PDE8B: variants seen among roughly 807,000 people sequenced by gnomAD.
The protein encoded by PDE8B is phosphodiesterase 8B, also known as high affinity cAMP-specific and IBMX-insensitive 3',5'-cyclic phosphodiesterase 8B.
Under a neutral mutation model 101.3 loss-of-function variants are expected in PDE8B, and 26 were observed. The ratio of observed to expected loss-of-function variants is 0.26; its 90% CI spans 0.19 to 0.36. PDE8B has a LOEUF of 0.36. Ranked by LOEUF, PDE8B falls within the 10% of genes least tolerant of loss-of-function variation. The pLI, the probability that PDE8B is intolerant of heterozygous loss-of-function variation, is 1.00. For missense variants in PDE8B, 810 were observed against 1,163.1 expected (o/e 0.70, Z 4.42); for synonymous variants, 424 against 429.3 (o/e 0.99, Z 0.15).
chr5:77,173,409 G>A, the PDE8B span, among the ~76,000 whole-genome samples: 1 of 152,124 alleles, frequency 6.6e-6, no homozygotes, highest in Non-Finnish European at 1.5e-5. Context: ...TTAAGAAGGT[G>A]GTTGTTGGCT....
intron 10 of PDE8B, among the ~76,000 whole-genome samples, chr5:77,356,351 C>G (rs967782654): frequency 2.0e-5 from 3 of 152,138 alleles, no homozygotes; most frequent in Non-Finnish European, 4.4e-5. Context: ...GGATCTGCAA[C>G]CATGGTCCAA....
chr5:77,139,826 G>GT, the PDE8B span: 1 of 152,076 alleles, frequency 6.6e-6, no homozygotes, highest in Non-Finnish European at 1.5e-5. Context: ...ATGTTTTTCT[G>GT]TTTTTTAATT....
the PDE8B span, among the ~76,000 whole-genome samples, chr5:77,191,839 C>T: frequency 6.6e-6 from 1 of 152,144 alleles, no homozygotes; most frequent in South Asian, 2.1e-4. Context: ...AATTATACAA[C>T]TCACCATAAT....
chr5:77,344,273 A>G (rs1779759554), intron 6 of PDE8B, among the ~76,000 whole-genome samples: 1 of 152,246 alleles, frequency 6.6e-6, no homozygotes, highest in Non-Finnish European at 1.5e-5. Context: ...GCTTGTTTAC[A>G]CCAACATCAT....
chr5:77,114,338 A>T, the PDE8B span: 1 of 152,242 alleles, frequency 6.6e-6, no homozygotes, highest in Non-Finnish European at 1.5e-5. Context: ...GCCATAAAAA[A>T]GGATGAGTTC....
the PDE8B span, among the ~76,000 whole-genome samples, chr5:77,100,573 G>A: frequency 1.3e-5 from 2 of 152,202 alleles, no homozygotes; most frequent in South Asian, 2.1e-4. Flanking sequence ...CAGATCCGGT[G>A]GGAGGGGATA....
At chr5:77,276,339 T>G (rs894580389) in intron 1 of PDE8B, among the ~76,000 whole-genome samples, 4 of 152,198 alleles carry the variant, frequency 2.6e-5, no homozygotes, top group African/African-American at 9.6e-5. Flanking sequence ...TTGGCTCAGC[T>G]CAAAGGCCTC....
intron 10 of PDE8B, among the ~76,000 whole-genome samples, chr5:77,361,718 G>A (rs921870286): frequency 1.3e-5 from 2 of 152,076 alleles, no homozygotes; most frequent in Admixed American, 1.3e-4. Context: ...GTTTCACTAT[G>A]TTGGCCAGGA....
chr5:77,396,536 A>G (rs1303521051), intron 10 of PDE8B, among the ~76,000 whole-genome samples: 1 of 152,222 alleles, frequency 6.6e-6, no homozygotes, highest in Non-Finnish European at 1.5e-5. Flanking sequence ...TTAGTAACTG[A>G]GCACAGCACA....
chr5:77,174,065 G>A, the PDE8B span, among the ~76,000 whole-genome samples: 4 of 152,144 alleles, frequency 2.6e-5, no homozygotes, highest in Non-Finnish European at 5.9e-5. Flanking sequence ...GCCCTTGAAG[G>A]TCAGTAGTCT....
chr5:77,338,050 G>A (rs377014209), intron 6 of PDE8B, among the ~76,000 whole-genome samples: 1 of 152,198 alleles, frequency 6.6e-6, no homozygotes, highest in Non-Finnish European at 1.5e-5. Context: ...AAAGGAGGAG[G>A]CTCTTCTCCA....
chr5:77,232,759 G>A (rs1753829338), intron 1 of PDE8B, among the ~76,000 whole-genome samples: 1 of 152,188 alleles, frequency 6.6e-6, no homozygotes, highest in Admixed American at 6.5e-5. Flanking sequence ...GAAGTGCTCT[G>A]TGGTGATGCA....
chr5:77,190,414 A>C, the PDE8B span, among the ~76,000 whole-genome samples: 5 of 152,222 alleles, frequency 3.3e-5, no homozygotes, highest in Non-Finnish European at 7.3e-5. Context: ...ACTCTTAATA[A>C]ATGAATCATA....
At position 77,248,180 on chromosome 5, in the gene PDE8B, T is replaced by C. The variant is rs192570121; in HGVS notation, c.339+36916T>C. On this transcript the variant is annotated intron_variant, in intron 1 of 21. Coordinates refer to ENST00000264917, the MANE Select transcript of PDE8B (RefSeq NM_003719.5). ...GGCAGAAATGACAACTGAGGGCTAATGAGCATTAACTGGACTGCAAGCTCG... is the reference window on the plus strand; with the variant it reads ...GGCAGAAATGACAACTGAGGGCTAACGAGCATTAACTGGACTGCAAGCTCG... Among the ~76,000 whole-genome samples the C allele has an allele frequency of 4.7e-3, 713 of 152,330 alleles. 1 individual carries two copies. The highest frequency in any genetic ancestry group is 0.016 in the African/African-American group (679 of 41,564).
rs1372237580 is a variant in PDE8B, at chr5:77,412,201, A to G, written c.1678A>G (p.Asn560Asp). The G allele has an allele frequency of 6.2e-7, 1 of 1,614,144 alleles. No homozygotes were observed. Among genetic ancestry groups the G allele is most frequent in the Admixed American group, 1.7e-5 (1 of 60,036 alleles). ...LLDNEESWDF[N>D]IFELEAITHK... Reference sequence around the variant, plus strand: ...TGATAATGAGGAGAGTTGGGACTTCAACATCTTTGAATTGGAAGCCATTAC... The same window carrying G: ...TGATAATGAGGAGAGTTGGGACTTCGACATCTTTGAATTGGAAGCCATTAC... The change falls in exon 16 of 22, where the codon AAC (asparagine) becomes GAC (aspartate). Residue 560 changes from asparagine to aspartate, a missense_variant. By Grantham distance (23) the Asn-to-Asp change is conservative. Around this residue, in one of 4 missense-constraint regions of PDE8B, gnomAD observed 325 missense variants for 560.9 expected, o/e 0.58. Transcript: ENST00000264917.
the PDE8B span, among the ~76,000 whole-genome samples, chr5:77,194,569 C>A: frequency 6.6e-6 from 1 of 152,068 alleles, no homozygotes; most frequent in Non-Finnish European, 1.5e-5. Flanking sequence ...AAAAAGAAAC[C>A]CCATGACCAT....
At chr5:77,251,724 A>G (rs1368125777) in intron 1 of PDE8B, among the ~76,000 whole-genome samples, 2 of 152,150 alleles carry the variant, frequency 1.3e-5, no homozygotes, top group African/African-American at 2.4e-5. Flanking sequence ...TCTGTGTCGT[A>G]TTCCAGATAG....
chr5:77,401,238 C>T, intron 11 of PDE8B, among the ~76,000 whole-genome samples: 1 of 152,180 alleles, frequency 6.6e-6, no homozygotes, highest in East Asian at 1.9e-4. Context: ...CATAATGACA[C>T]TTCACACACA....
At chr5:77,127,480 CT>C in the PDE8B span, among the ~76,000 whole-genome samples, 2 of 152,158 alleles carry the variant, frequency 1.3e-5, no homozygotes, top group African/African-American at 4.8e-5. Context: ...AGTTAAACCT[CT>C]TTCTTTTATA....
Sources: allele counts gnomAD v4.1 joint callset (sites outside exome capture counted in the v4.1 genomes callset), GRCh38; gene constraint gnomAD v4.1.1; regional missense constraint gnomAD v4.1.1; transcripts MANE v1.5; gene names NCBI Gene and HGNC (gene_info 2026-07-23, HGNC 2026-07-21).